The following SLC4A10 variants were observed in gnomAD, a reference collection of about 807,000 sequenced individuals.
SLC4A10 encodes sodium-driven chloride bicarbonate exchanger.
SLC4A10 carries 42 observed loss-of-function variants against 137.7 expected under a neutral mutation model. The ratio of observed to expected loss-of-function variants is 0.30; its 90% CI spans 0.24 to 0.39. The LOEUF (loss-of-function observed/expected upper bound fraction) is 0.39, where lower values mean the gene tolerates loss of function less well. Ranked by LOEUF, SLC4A10 falls within the 10% of genes least tolerant of loss-of-function variation. The probability of loss-of-function intolerance (pLI) is 1.00; values close to 1 mark genes in which losing one functional copy is unlikely to be tolerated. For missense variants in SLC4A10, 925 were observed against 1,355.0 expected (o/e 0.68, Z 4.98); for synonymous variants, 474 against 464.1 (o/e 1.02, Z -0.27).
chr2:161,887,829 T>A (rs2126002505), intron 10 of SLC4A10, among the ~76,000 whole-genome samples: 1 of 152,338 alleles, frequency 6.6e-6, no homozygotes, highest in African/African-American at 2.4e-5. Flanking sequence ...TTTGTCAGTT[T>A]TGGCTTTTGT....
chr2:161,879,404 C>A, intron 9 of SLC4A10, 116 bp downstream of exon 9: 1 of 1,056,450 alleles, frequency 9.5e-7, no homozygotes. Context: ...ATGTGAAATC[C>A]ACAAAACTAC....
chr2:161,634,529 G>T (rs569119809), intron 1 of SLC4A10, among the ~76,000 whole-genome samples: 1 of 151,794 alleles, frequency 6.6e-6, no homozygotes, highest in East Asian at 1.9e-4. Flanking sequence ...CACTTATGGA[G>T]GTGTCTGCCT....
At chr2:161,886,214 G>C (rs1191711938) in intron 10 of SLC4A10, among the ~76,000 whole-genome samples, 1 of 151,976 alleles carries the variant, frequency 6.6e-6, no homozygotes, top group Non-Finnish European at 1.5e-5. Context: ...TCTTTTTCTG[G>C]ATATTTGAGC....
At chr2:161,660,533 TAATA>T (rs1414880068) in intron 1 of SLC4A10, among the ~76,000 whole-genome samples, 2 of 152,140 alleles carry the variant, frequency 1.3e-5, no homozygotes, top group African/African-American at 4.8e-5. Flanking sequence ...AAAAGTACAT[TAATA>T]GTTTGTGTAC....
At chr2:161,889,049 T>A (rs1256721815) in intron 10 of SLC4A10, among the ~76,000 whole-genome samples, 2 of 152,208 alleles carry the variant, frequency 1.3e-5, no homozygotes, top group Non-Finnish European at 2.9e-5. Context: ...AATCATGTGG[T>A]TTTTGTCATT....
Position 161,826,357 on chromosome 2 carries a change from G to T in SLC4A10, c.278-13432G>T, listed in dbSNP as rs547958232. Among the ~76,000 whole-genome samples the T allele has an allele frequency of 2.0e-5, 3 of 152,302 alleles. No individual in the cohort carries two copies. In the East Asian group the frequency reaches 5.8e-4, roughly 29 times the overall value. ...GTGAATCTGTTCTCTTAAGCTAAAT[G>T]TCATAGTAACCAAGGCTTGTGTACT... On this transcript the variant is annotated intron_variant, in intron 3 of 26. Transcript: ENST00000446997.
intron 1 of SLC4A10, among the ~76,000 whole-genome samples, chr2:161,625,556 G>A (rs2032162017): frequency 6.6e-6 from 1 of 152,052 alleles, no homozygotes; most frequent in Non-Finnish European, 1.5e-5. Context: ...TGTTACTAAG[G>A]TTGGTGACCC....
chr2:161,673,795 G>A (rs537816062), intron 1 of SLC4A10, among the ~76,000 whole-genome samples: 1 of 152,190 alleles, frequency 6.6e-6, no homozygotes, highest in South Asian at 2.1e-4. Flanking sequence ...TTCAAGACCA[G>A]CCTGGCTAAC....
chr2:161,841,027 T>C (rs933233792), intron 4 of SLC4A10, among the ~76,000 whole-genome samples: 2 of 152,150 alleles, frequency 1.3e-5, no homozygotes, highest in Non-Finnish European at 2.9e-5. Context: ...TAGGCAGAGA[T>C]AGCAGGACGT....
In SLC4A10 at chr2:161,641,488, A is replaced by G. The variant is rs145658537; in HGVS notation, c.48+16922A>G. Among the ~76,000 whole-genome samples, 382 of 152,278 alleles carry G rather than the reference A, an allele frequency of 2.5e-3. 10 individuals carry two copies. The East Asian group carries it at 0.056, about 22-fold the overall frequency. On this transcript the variant is annotated intron_variant, in intron 1 of 26. Coordinates refer to ENST00000446997, the MANE Select transcript of SLC4A10 (RefSeq NM_001178015.2). ...TGCTTTTTATCTTTAAGAGATTTGA[A>G]AAACAATTAGTTCTTAAGAGCTGAA...
At chr2:161,755,649 T>G (rs2049537423) in intron 1 of SLC4A10, among the ~76,000 whole-genome samples, 1 of 152,184 alleles carries the variant, frequency 6.6e-6, no homozygotes, top group Non-Finnish European at 1.5e-5. Context: ...TTTTAGAGAT[T>G]TTACATTTGT....
chr2:161,636,071 A>T (rs1304409694), intron 1 of SLC4A10, among the ~76,000 whole-genome samples: 1 of 151,848 alleles, frequency 6.6e-6, no homozygotes, highest in Admixed American at 6.6e-5. Flanking sequence ...CTGTTTTAAA[A>T]CTCATGTCTT....
intron 1 of SLC4A10, among the ~76,000 whole-genome samples, chr2:161,752,124 A>G (rs1480087403): frequency 6.6e-6 from 1 of 151,982 alleles, no homozygotes; most frequent in Non-Finnish European, 1.5e-5. Context: ...TTTATCTTTC[A>G]AGAAATATTA....
At chr2:161,700,295 A>G (rs1402284986) in intron 1 of SLC4A10, among the ~76,000 whole-genome samples, 1 of 152,144 alleles carries the variant, frequency 6.6e-6, no homozygotes, top group African/African-American at 2.4e-5. Context: ...AAGACTAAAG[A>G]GAGGTTACTG....
intron 15 of SLC4A10, among the ~76,000 whole-genome samples, chr2:161,909,733 T>G (rs1685373271): frequency 6.6e-6 from 1 of 152,264 alleles, no homozygotes; most frequent in Non-Finnish European, 1.5e-5. Context: ...CGCATATATT[T>G]ACTAGTGTAC....
At chr2:161,709,284 A>T (rs1029514555) in intron 1 of SLC4A10, among the ~76,000 whole-genome samples, 3 of 151,646 alleles carry the variant, frequency 2.0e-5, no homozygotes, top group African/African-American at 7.3e-5. Flanking sequence ...GGAATTTCTT[A>T]ACCATAGAAA....
chr2:161,713,770 A>G (rs1480571872), intron 1 of SLC4A10, among the ~76,000 whole-genome samples: 1 of 151,884 alleles, frequency 6.6e-6, no homozygotes, highest in Admixed American at 6.6e-5. Context: ...CTGTTCATTT[A>G]AAAATCATAA....
rs536513186 is a variant in SLC4A10, at chr2:161,647,982, T to TA, written c.48+23417dup. ...TCTTCAAAAGTTCTTTTACTAGTGG[T>TA]ATAGCATTCATGCATTTTTCAAAAT... On this transcript the variant is annotated intron_variant, in intron 1 of 26. Transcript: ENST00000446997. Among the ~76,000 whole-genome samples, 523 of 152,338 alleles carry TA rather than the reference T, an allele frequency of 3.4e-3. 5 individuals are homozygous for TA. The highest frequency in any genetic ancestry group is 8.0e-3 in the Admixed American group (122 of 15,298).
At chr2:161,964,956 A>C in intron 22 of SLC4A10, 95 bp from the exon 23 acceptor site, 2 of 1,109,258 alleles carry the variant, frequency 1.8e-6, no homozygotes, top group Non-Finnish European at 2.6e-6. Context: ...TCTCAGGCCT[A>C]ATAGAAATTG....
Sources: gnomAD v4.1 joint callset for allele counts (sites outside exome capture counted in the v4.1 genomes callset) on GRCh38, gnomAD v4.1.1 for gene constraint, MANE v1.5 for transcripts, NCBI Gene and HGNC (gene_info 2026-07-23, HGNC 2026-07-21) for gene names.